The following LSAMP variants were observed in gnomAD, a reference collection of about 807,000 sequenced individuals.
LSAMP encodes limbic system associated membrane protein.
Under a neutral mutation model 38.6 loss-of-function variants are expected in LSAMP, and 7 were observed. The observed-to-expected ratio is 0.18, with a 90% confidence interval of 0.10 to 0.34. The LOEUF (loss-of-function observed/expected upper bound fraction) is 0.34. Among genes scored for constraint, LSAMP ranks in the 10% least tolerant of loss-of-function variants. The pLI is 1.00. For synonymous variants in LSAMP, 154 were observed against 166.8 expected (o/e 0.92, Z 0.59); for missense variants, 313 against 420.0 (o/e 0.75, Z 2.23).
chr3:116,443,592 T>C (rs796210005), intron 1 of LSAMP, among the ~76,000 whole-genome samples: 9 of 152,310 alleles, frequency 5.9e-5, no homozygotes, highest in African/African-American at 2.2e-4. Context: ...AAGAAAACTT[T>C]GCTGCTGTCG....
intron 1 of LSAMP, among the ~76,000 whole-genome samples, chr3:116,417,883 A>G (rs1288448876): frequency 6.6e-6 from 1 of 152,130 alleles, no homozygotes; most frequent in Non-Finnish European, 1.5e-5. Context: ...GGTCTTATGG[A>G]GTTCCTGCTG....
intron 6 of LSAMP, among the ~76,000 whole-genome samples, chr3:115,837,623 T>C (rs1934837056): frequency 6.6e-6 from 1 of 151,814 alleles, no homozygotes; most frequent in African/African-American, 2.4e-5. Flanking sequence ...GATGGAGCAG[T>C]ATAAAGACAG....
chr3:115,845,239 G>A (rs988289322), intron 4 of LSAMP, among the ~76,000 whole-genome samples: 1 of 152,196 alleles, frequency 6.6e-6, no homozygotes, highest in Non-Finnish European at 1.5e-5. Flanking sequence ...TCTTCTCACT[G>A]TATTGTGTTC....
intron 1 of LSAMP, among the ~76,000 whole-genome samples, chr3:116,290,654 T>C (rs1410222269): frequency 6.6e-6 from 1 of 151,402 alleles, no homozygotes; most frequent in African/African-American, 2.4e-5. Context: ...CCCTTGAACC[T>C]GCGAGGCGGA....
chr3:116,370,032 T>C (rs1046774237), intron 1 of LSAMP: 3 of 152,582 alleles, frequency 2.0e-5, no homozygotes, highest in Non-Finnish European at 4.4e-5. Context: ...ATGGCAACCC[T>C]AGCAAACTAA....
intron 1 of LSAMP, among the ~76,000 whole-genome samples, chr3:116,345,616 T>A (rs972529066): frequency 6.6e-6 from 1 of 151,788 alleles, no homozygotes; most frequent in Non-Finnish European, 1.5e-5. Context: ...AAAATTTTAT[T>A]TTTTAGATAT....
intron 1 of LSAMP, among the ~76,000 whole-genome samples, chr3:116,189,641 G>A (rs1332026963): frequency 1.3e-5 from 2 of 152,128 alleles, no homozygotes; most frequent in Non-Finnish European, 2.9e-5. Context: ...AACGATTAGA[G>A]AAGGTCCTAC....
chr3:115,932,011 A>G (rs12487624), intron 3 of LSAMP, among the ~76,000 whole-genome samples: 74,395 of 152,002 alleles, frequency 0.49, 18,606 homozygotes, highest in East Asian at 0.75. Context: ...GGACTCAAGC[A>G]GTTTACAGTG....
At chr3:116,154,565 G>A (rs917135423) in intron 1 of LSAMP, among the ~76,000 whole-genome samples, 1 of 152,052 alleles carries the variant, frequency 6.6e-6, no homozygotes, top group Non-Finnish European at 1.5e-5. Context: ...GCCCTGCCTG[G>A]TCTGTAACCT....
At chr3:116,356,937 GCGCCCGCCACCA>G (rs748824761) in intron 1 of LSAMP, among the ~76,000 whole-genome samples, 1 of 152,130 alleles carries the variant, frequency 6.6e-6, no homozygotes, top group Non-Finnish European at 1.5e-5. Flanking sequence ...GGGACTACAG[GCGCCCGCCACCA>G]CGCCTGGCTA....
At chr3:115,965,736 A>C (rs139113631) in intron 3 of LSAMP, among the ~76,000 whole-genome samples, 1,764 of 152,078 alleles carry the variant, frequency 0.012, 18 homozygotes, top group African/African-American at 0.022. Flanking sequence ...AGCTTATTTA[A>C]AAATTAAAAT....
At chr3:115,908,637 A>T (rs1937068299) in intron 3 of LSAMP, among the ~76,000 whole-genome samples, 1 of 152,214 alleles carries the variant, frequency 6.6e-6, no homozygotes, top group Non-Finnish European at 1.5e-5. Context: ...CTGTTATCAG[A>T]GCACAAAGGA....
chr3:115,985,868 C>T (rs1319130055), intron 3 of LSAMP, among the ~76,000 whole-genome samples: 1 of 152,184 alleles, frequency 6.6e-6, no homozygotes, highest in Non-Finnish European at 1.5e-5. Context: ...TCATGAGACT[C>T]TGAGGCAGAG....
At chr3:115,887,356 A>G (rs1257750439) in intron 3 of LSAMP, among the ~76,000 whole-genome samples, 1 of 151,454 alleles carries the variant, frequency 6.6e-6, no homozygotes, top group Non-Finnish European at 1.5e-5. Context: ...TTTTTATCTT[A>G]TAATATGAAA....
At chr3:116,161,156 T>C (rs1709878192) in intron 1 of LSAMP, among the ~76,000 whole-genome samples, 2 of 152,268 alleles carry the variant, frequency 1.3e-5, no homozygotes, top group Admixed American at 1.3e-4. Context: ...CTTCAGAATA[T>C]ACTGTATTTT....
chr3:116,268,513 G>GGAGGC (rs2046923923), intron 1 of LSAMP, among the ~76,000 whole-genome samples: 2 of 152,056 alleles, frequency 1.3e-5, no homozygotes, highest in African/African-American at 4.8e-5. Context: ...ATGTGAATCT[G>GGAGGC]TAGGCTCATG....
At chr3:116,028,700 T>G (rs546437914) in intron 2 of LSAMP, among the ~76,000 whole-genome samples, 1 of 152,172 alleles carries the variant, frequency 6.6e-6, no homozygotes, top group Non-Finnish European at 1.5e-5. Context: ...TAAAGAAGTG[T>G]TGGCTTGAGC....
rs141638402 is a variant in LSAMP at position 116,444,392 on chromosome 3, A to ACAC, written c.155+484_155+485insGTG. Among the ~76,000 whole-genome samples the ACAC allele has an allele frequency of 1.3e-4, 19 of 144,238 alleles. 1 individual carries two copies. Among genetic ancestry groups the ACAC allele is most frequent in the Admixed American group, 2.7e-4 (4 of 14,636 alleles). The allele number at this position is 144,238 out of a possible 152,430, so 94.6% of individuals were successfully genotyped here. On this transcript the variant is annotated intron_variant, in intron 1 of 6. Coordinates refer to ENST00000490035, the MANE Select transcript of LSAMP (RefSeq NM_002338.5). ...TGTGTGTGTGTGTGTTGGCATGAAAAACACACACACACACACACAGACACG... is the reference window on the plus strand; with the variant it reads ...TGTGTGTGTGTGTGTTGGCATGAAAACACACACACACACACACACACAGACACG...
chr3:115,876,992 A>G (rs1290152962), intron 3 of LSAMP, among the ~76,000 whole-genome samples: 2 of 152,146 alleles, frequency 1.3e-5, no homozygotes, highest in Non-Finnish European at 2.9e-5. Flanking sequence ...ATAAAGCAGA[A>G]GGAGGCAGTC....
Sources: allele counts gnomAD v4.1 joint callset (sites outside exome capture counted in the v4.1 genomes callset), GRCh38; gene constraint gnomAD v4.1.1; transcripts MANE v1.5; gene names NCBI Gene and HGNC (gene_info 2026-07-23, HGNC 2026-07-21).